LRRC4C: variants seen among roughly 807,000 people sequenced by gnomAD.
LRRC4C encodes leucine rich repeat containing 4C.
Under a neutral mutation model 33.6 loss-of-function variants are expected in LRRC4C, and 5 were observed. The ratio of observed to expected loss-of-function variants is 0.15; its 90% CI spans 0.08 to 0.31. LRRC4C has a LOEUF of 0.31. Among genes scored for constraint, LRRC4C ranks in the 10% least tolerant of loss-of-function variants. The pLI, the probability that LRRC4C is intolerant of heterozygous loss-of-function variation, is 1.00. For synonymous variants in LRRC4C, 329 were observed against 302.0 expected (o/e 1.09, Z -0.93); for missense variants, 560 against 796.7 (o/e 0.70, Z 3.58).
chr11:40,201,762 C>T (rs529352629), intron 5 of LRRC4C, among the ~76,000 whole-genome samples: 1 of 152,262 alleles, frequency 6.6e-6, no homozygotes, highest in South Asian at 2.1e-4. Flanking sequence ...AGAATAGGTG[C>T]TTGTCTCCAC....
intron 1 of LRRC4C, among the ~76,000 whole-genome samples, chr11:40,957,692 T>A (rs1358566328): frequency 6.6e-6 from 1 of 151,736 alleles, no homozygotes; most frequent in Non-Finnish European, 1.5e-5. Flanking sequence ...TTATATCCAT[T>A]GCTCCTATCA....
At chr11:40,193,548 C>T (rs1041999571) in intron 5 of LRRC4C, among the ~76,000 whole-genome samples, 1 of 152,134 alleles carries the variant, frequency 6.6e-6, no homozygotes, top group African/African-American at 2.4e-5. Flanking sequence ...TGCCTCTTCT[C>T]CTCCAAAGGA....
chr11:41,002,852 G>A (rs1044648165), intron 1 of LRRC4C, among the ~76,000 whole-genome samples: 4 of 152,130 alleles, frequency 2.6e-5, no homozygotes, highest in East Asian at 1.9e-4. Flanking sequence ...TAAAGCATAC[G>A]CCTTTGATGG....
chr11:40,511,805 T>G (rs1243114995), intron 3 of LRRC4C, among the ~76,000 whole-genome samples: 1 of 151,858 alleles, frequency 6.6e-6, no homozygotes, highest in African/African-American at 2.4e-5. Context: ...ATTGGGAGAG[T>G]GGGCTATATT....
At chr11:41,096,413 A>T (rs1385166586) in intron 1 of LRRC4C, among the ~76,000 whole-genome samples, 1 of 152,200 alleles carries the variant, frequency 6.6e-6, no homozygotes, top group Non-Finnish European at 1.5e-5. Context: ...CAGAGCCATC[A>T]ATCCCATCAG....
At chr11:40,786,408 A>G (rs1013640403) in intron 2 of LRRC4C, among the ~76,000 whole-genome samples, 1 of 152,186 alleles carries the variant, frequency 6.6e-6, no homozygotes. Flanking sequence ...ATAAGTAGTC[A>G]CAGTCTTCGG....
chr11:40,947,699 C>T (rs1483404417), intron 1 of LRRC4C, among the ~76,000 whole-genome samples: 1 of 152,048 alleles, frequency 6.6e-6, no homozygotes, highest in Non-Finnish European at 1.5e-5. Context: ...CTCTCTCACT[C>T]TCCCTCAATC....
intron 5 of LRRC4C, among the ~76,000 whole-genome samples, chr11:40,220,133 A>G (rs1200197465): frequency 1.3e-5 from 2 of 152,164 alleles, no homozygotes; most frequent in African/African-American, 2.4e-5. Context: ...CAGGCTATTT[A>G]TTTGTTGCTT....
chr11:40,659,658 GA>G (rs1022058170), intron 2 of LRRC4C, among the ~76,000 whole-genome samples: 1 of 152,160 alleles, frequency 6.6e-6, no homozygotes, highest in African/African-American at 2.4e-5. Context: ...CTTGCCTGTG[GA>G]AAAGAGTTAC....
intron 5 of LRRC4C, among the ~76,000 whole-genome samples, chr11:40,157,399 A>T (rs4633456): frequency 6.6e-5 from 10 of 152,044 alleles, no homozygotes; most frequent in African/African-American, 2.4e-4. Context: ...AAAAACAAAG[A>T]TACATAGCTG....
At chr11:40,181,012 A>T (rs998085367) in intron 5 of LRRC4C, among the ~76,000 whole-genome samples, 1 of 152,204 alleles carries the variant, frequency 6.6e-6, no homozygotes, top group Non-Finnish European at 1.5e-5. Context: ...TTGTTCTGTC[A>T]CCAAGGTAGG....
intron 1 of LRRC4C, among the ~76,000 whole-genome samples, chr11:41,173,686 A>T (rs1022178608): frequency 6.6e-6 from 1 of 152,070 alleles, no homozygotes; most frequent in Non-Finnish European, 1.5e-5. Flanking sequence ...CATAGCCTAC[A>T]TTCTTTTCTT....
chr11:41,347,528 T>A (rs1951842490), intron 1 of LRRC4C, among the ~76,000 whole-genome samples: 1 of 152,194 alleles, frequency 6.6e-6, no homozygotes, highest in African/African-American at 2.4e-5. Context: ...TTGCTTTTTT[T>A]AAAATACAAA....
chr11:40,216,605 A>C, intron 5 of LRRC4C, among the ~76,000 whole-genome samples: 1 of 152,152 alleles, frequency 6.6e-6, no homozygotes, highest in East Asian at 1.9e-4. Context: ...GGGGAGGAAG[A>C]ATAGCCCAGA....
chr11:40,510,050 C>T (rs1955233261), intron 3 of LRRC4C, among the ~76,000 whole-genome samples: 2 of 152,014 alleles, frequency 1.3e-5, no homozygotes, highest in Admixed American at 1.3e-4. Flanking sequence ...AGTGCTTTTC[C>T]ACTCCAGTTA....
rs543677771 is a variant in LRRC4C at position 40,599,235 on chromosome 11, G to A, written c.-270+48907C>T. 7.9e-5 allele frequency among the ~76,000 whole-genome samples: 12 copies of A among 152,052 alleles called. 2 individuals are homozygous for A. In the South Asian group the frequency reaches 2.3e-3, roughly 29 times the overall value. ...AGGCTGAGGCAGGAAAATCACTTGAGCCTAAGAGTTTGAGACCAGCCCAGG... is the reference window on the plus strand; with the variant it reads ...AGGCTGAGGCAGGAAAATCACTTGAACCTAAGAGTTTGAGACCAGCCCAGG... On this transcript the variant is annotated intron_variant, in intron 3 of 6. Transcript: ENST00000528697.
intron 1 of LRRC4C, among the ~76,000 whole-genome samples, chr11:41,377,880 G>A (rs550664846): frequency 8.9e-4 from 136 of 152,092 alleles, no homozygotes; most frequent in Non-Finnish European, 1.2e-3. Flanking sequence ...GGAGAGCACC[G>A]TACCAATAGA....
intron 1 of LRRC4C, among the ~76,000 whole-genome samples, chr11:41,384,311 T>A (rs926759229): frequency 6.6e-6 from 1 of 151,964 alleles, no homozygotes; most frequent in African/African-American, 2.4e-5. Context: ...TTTTATTTAG[T>A]TGTATTTTTA....
intron 1 of LRRC4C, among the ~76,000 whole-genome samples, chr11:41,441,013 G>C (rs965950063): frequency 6.6e-6 from 1 of 152,138 alleles, no homozygotes; most frequent in Admixed American, 6.5e-5. Flanking sequence ...GAGTCATGAA[G>C]AGCCAAGCCA....
Sources: gnomAD v4.1 joint callset for allele counts (sites outside exome capture counted in the v4.1 genomes callset) on GRCh38, gnomAD v4.1.1 for gene constraint, MANE v1.5 for transcripts, NCBI Gene and HGNC (gene_info 2026-07-23, HGNC 2026-07-21) for gene names.